The following ANKS1B variants were observed in gnomAD, a reference collection of about 807,000 sequenced individuals.
ANKS1B encodes ankyrin repeat and sterile alpha motif domain containing 1B.
ANKS1B carries 36 observed loss-of-function variants against 148.3 expected under a neutral mutation model. The observed-to-expected ratio is 0.24, with a 90% confidence interval of 0.19 to 0.32. The LOEUF (loss-of-function observed/expected upper bound fraction) is 0.32. ANKS1B is among the 10% of genes least tolerant of loss of function. The probability of loss-of-function intolerance (pLI) is 1.00; values close to 1 mark genes in which losing one functional copy is unlikely to be tolerated. For synonymous variants in ANKS1B, 542 were observed against 560.8 expected (o/e 0.97, Z 0.47); for missense variants, 1,157 against 1,542.6 (o/e 0.75, Z 4.19).
At chr12:99,825,609 A>G (rs987979846) in intron 1 of ANKS1B, among the ~76,000 whole-genome samples, 8 of 152,228 alleles carry the variant, frequency 5.3e-5, no homozygotes, top group Non-Finnish European at 8.8e-5. Context: ...ATATCTTCAG[A>G]AATTATTAAC....
intron 14 of ANKS1B, among the ~76,000 whole-genome samples, chr12:99,242,819 C>T (rs1470536295): frequency 6.6e-6 from 1 of 152,146 alleles, no homozygotes; most frequent in Non-Finnish European, 1.5e-5. Flanking sequence ...ATAAATGGTG[C>T]TGGGAAAACT....
chr12:99,475,014 A>C (rs1404043127), intron 10 of ANKS1B, among the ~76,000 whole-genome samples: 1 of 151,952 alleles, frequency 6.6e-6, no homozygotes, highest in Non-Finnish European at 1.5e-5. Context: ...AGGTGGGCAG[A>C]TAATTTTAGG....
At chr12:98,791,538 A>T (rs2098854177) in intron 22 of ANKS1B, among the ~76,000 whole-genome samples, 1 of 147,910 alleles carries the variant, frequency 6.8e-6, no homozygotes, top group South Asian at 2.1e-4. Flanking sequence ...GCTTCCATGA[A>T]ATTGGGCAAC....
intron 11 of ANKS1B, among the ~76,000 whole-genome samples, chr12:99,432,601 G>T (rs1484382309): frequency 6.6e-6 from 1 of 152,148 alleles, no homozygotes. Flanking sequence ...GTTAGTTCGG[G>T]AGTGAAAATT....
chr12:99,198,048 C>T (rs2081597116), intron 14 of ANKS1B, among the ~76,000 whole-genome samples: 1 of 152,096 alleles, frequency 6.6e-6, no homozygotes, highest in African/African-American at 2.4e-5. Flanking sequence ...TGGTGAACTC[C>T]CTACCCTTAT....
At position 99,799,676 on chromosome 12, in the gene ANKS1B, AG is replaced by A. The variant is rs369254053; in HGVS notation, c.669+6727del. Among the ~76,000 whole-genome samples, 243 of 152,200 alleles carry A rather than the reference AG, an allele frequency of 1.6e-3. 5 individuals carry two copies. The South Asian group carries it at 0.048, about 30-fold the overall frequency. On this transcript the variant is annotated intron_variant, in intron 4 of 26. Transcript: ENST00000683438. The stretch of plus-strand genomic sequence containing the variant: ...CTTGGGTAGTGAGTAAGGTAAGTAA[AG>A]GAAGGCCTCACTATTAAGGTGACAT...
At chr12:99,004,670 G>T (rs892203953) in intron 17 of ANKS1B, among the ~76,000 whole-genome samples, 1 of 151,974 alleles carries the variant, frequency 6.6e-6, no homozygotes, top group Non-Finnish European at 1.5e-5. Context: ...GTGCTGGGTG[G>T]GGGGGAAAAT....
At chr12:99,774,486 G>T (rs2063474236) in intron 7 of ANKS1B, among the ~76,000 whole-genome samples, 1 of 152,012 alleles carries the variant, frequency 6.6e-6, no homozygotes, top group African/African-American at 2.4e-5. Context: ...AAGATAGGAG[G>T]TGTTTCTGAG....
At chr12:98,864,528 G>A (rs1333899362) in intron 17 of ANKS1B, among the ~76,000 whole-genome samples, 1 of 152,106 alleles carries the variant, frequency 6.6e-6, no homozygotes, top group Non-Finnish European at 1.5e-5. Flanking sequence ...ATGTGGGTGG[G>A]CCTCATCCAA....
chr12:99,206,700 A>G (rs1271523145), intron 14 of ANKS1B, among the ~76,000 whole-genome samples: 1 of 152,220 alleles, frequency 6.6e-6, no homozygotes, highest in East Asian at 1.9e-4. Flanking sequence ...CCAGGCACAG[A>G]GAATGTTTTC....
intron 10 of ANKS1B, among the ~76,000 whole-genome samples, chr12:99,496,296 T>C (rs1019894569): frequency 7.9e-5 from 12 of 152,192 alleles, no homozygotes; most frequent in Non-Finnish European, 1.6e-4. Context: ...TTATATTTGA[T>C]GACACCTGGC....
intron 9 of ANKS1B, among the ~76,000 whole-genome samples, chr12:99,594,166 C>T (rs2097732879): frequency 6.6e-6 from 1 of 152,032 alleles, no homozygotes; most frequent in African/African-American, 2.4e-5. Context: ...AGTGCTTAAA[C>T]TGTCAAGTGC....
chr12:98,780,605 G>A (rs1313078653), intron 24 of ANKS1B, among the ~76,000 whole-genome samples: 1 of 152,110 alleles, frequency 6.6e-6, no homozygotes, highest in Non-Finnish European at 1.5e-5. Flanking sequence ...CCATCTCAGA[G>A]GCTGGGAATT....
At position 99,141,671 on chromosome 12, in the gene ANKS1B, C is replaced by T. The variant is rs117234832; in HGVS notation, c.2526+12618G>A. 4.0e-3 allele frequency among the ~76,000 whole-genome samples: 603 copies of T among 151,364 alleles called. 23 individuals are homozygous for T. In the East Asian group the frequency reaches 0.082, roughly 20 times the overall value. On this transcript the variant is annotated intron_variant, in intron 15 of 26. Coordinates refer to ENST00000683438, the MANE Select transcript of ANKS1B (RefSeq NM_001352186.2). ...TTCAGCTCCCATTTATAAATGAGAA[C>T]GGGCAGTGTTTGGTTTTCTGTTCCT... is the stretch of plus-strand genomic sequence containing the variant.
chr12:99,289,780 GA>G (rs1296160806), intron 12 of ANKS1B, among the ~76,000 whole-genome samples: 4 of 151,704 alleles, frequency 2.6e-5, no homozygotes, highest in African/African-American at 9.6e-5. Flanking sequence ...CAGTACTAGA[GA>G]AAAGTTTCTA....
intron 14 of ANKS1B, among the ~76,000 whole-genome samples, chr12:99,197,155 A>G (rs1471026001): frequency 6.6e-6 from 1 of 152,194 alleles, no homozygotes; most frequent in Admixed American, 6.5e-5. Flanking sequence ...TGGTAGCCTG[A>G]TCAGAACTAC....
intron 9 of ANKS1B, among the ~76,000 whole-genome samples, chr12:99,621,737 A>G (rs1244220045): frequency 6.6e-6 from 1 of 152,118 alleles, no homozygotes; most frequent in African/African-American, 2.4e-5. Context: ...CCAACATTGA[A>G]GCATCTGGAT....
intron 10 of ANKS1B, among the ~76,000 whole-genome samples, chr12:99,479,212 C>T (rs1309373354): frequency 6.6e-6 from 1 of 151,836 alleles, no homozygotes. Context: ...GAATTGAACA[C>T]CAAAAATCAT....
intron 9 of ANKS1B, among the ~76,000 whole-genome samples, chr12:99,594,101 G>T (rs998351063): frequency 6.6e-6 from 1 of 151,958 alleles, no homozygotes; most frequent in Non-Finnish European, 1.5e-5. Flanking sequence ...TAAAATGGGG[G>T]TATTTATCTG....
Sources: gnomAD v4.1 joint callset for allele counts (sites outside exome capture counted in the v4.1 genomes callset) on GRCh38, gnomAD v4.1.1 for gene constraint, MANE v1.5 for transcripts, NCBI Gene and HGNC (gene_info 2026-07-23, HGNC 2026-07-21) for gene names.